ADAMTS2: variants seen among roughly 807,000 people sequenced by gnomAD.
ADAMTS2 encodes the protein A disintegrin and metalloproteinase with thrombospondin motifs 2.
Under a neutral mutation model 123.0 loss-of-function variants are expected in ADAMTS2, and 50 were observed. That is an observed-to-expected ratio of 0.41 (90% confidence interval 0.32 to 0.51). The LOEUF is 0.51. ADAMTS2 is among the 20% of genes least tolerant of loss of function. ADAMTS2 has a pLI of 0.35. For missense variants in ADAMTS2, 1,494 were observed against 1,705.2 expected, an observed-to-expected ratio of 0.88 and a Z score of 2.18; for synonymous variants, 678 against 695.4, an observed-to-expected ratio of 0.98 and a Z score of 0.39.
chr5:179,205,932 C>T (rs1011574040), intron 4 of ADAMTS2, among the ~76,000 whole-genome samples: 98 of 152,084 alleles, frequency 6.4e-4, no homozygotes, highest in Non-Finnish European at 1.1e-3. Flanking sequence ...CCACCACGCC[C>T]GGCTAATTTT....
At chr5:179,340,317 C>T (rs370076016) in intron 2 of ADAMTS2, among the ~76,000 whole-genome samples, 13 of 152,162 alleles carry the variant, frequency 8.5e-5, no homozygotes, top group African/African-American at 2.7e-4. Flanking sequence ...TTCCATCCCA[C>T]GGAAGTCCCA....
chr5:179,187,236 T>C (rs112559417), intron 4 of ADAMTS2, among the ~76,000 whole-genome samples: 2,318 of 152,276 alleles, frequency 0.015, 73 homozygotes, highest in African/African-American at 0.052. Flanking sequence ...AGTGACCTCC[T>C]TGCTTAAACC....
intron 3 of ADAMTS2, among the ~76,000 whole-genome samples, chr5:179,245,260 G>A (rs557767010): frequency 1.3e-5 from 2 of 151,956 alleles, no homozygotes; most frequent in Admixed American, 6.5e-5. Flanking sequence ...CCAGAAACTG[G>A]AAAGGGCAAG....
chr5:179,328,101 G>C (rs1295657321), intron 2 of ADAMTS2, among the ~76,000 whole-genome samples: 1 of 152,166 alleles, frequency 6.6e-6, no homozygotes, highest in Non-Finnish European at 1.5e-5. Context: ...CAAGCGATCT[G>C]AGCTCACTGC....
At chr5:179,301,946 A>C (rs1374015541) in intron 2 of ADAMTS2, among the ~76,000 whole-genome samples, 4 of 152,218 alleles carry the variant, frequency 2.6e-5, no homozygotes, top group Non-Finnish European at 5.9e-5. Flanking sequence ...GCTTGGGAAC[A>C]GTCAGCCTGC....
chr5:179,172,009 T>C (rs1366533072), intron 5 of ADAMTS2, among the ~76,000 whole-genome samples: 3 of 152,160 alleles, frequency 2.0e-5, no homozygotes, highest in African/African-American at 7.2e-5. Flanking sequence ...GGGGGTAAGC[T>C]GGTTCCATCT....
intron 5 of ADAMTS2, among the ~76,000 whole-genome samples, chr5:179,173,811 A>T (rs905811623): frequency 1.1e-4 from 16 of 152,180 alleles, no homozygotes; most frequent in Admixed American, 9.8e-4. Context: ...CAGGAGTTCA[A>T]GACCAGCCTG....
At chr5:179,275,347 G>T (rs12153439) in intron 2 of ADAMTS2, among the ~76,000 whole-genome samples, 57,183 of 151,782 alleles carry the variant, frequency 0.38, 12,428 homozygotes, top group Admixed American at 0.46. Context: ...GTAGGGTAGA[G>T]CCGGCTGAGA....
At position 179,130,826 on chromosome 5, in the gene ADAMTS2, T is replaced by C. The variant is rs1020142048; in HGVS notation, c.2291-728A>G. Among the ~76,000 whole-genome samples, 1 of 152,140 alleles carries C rather than the reference T, an allele frequency of 6.6e-6. No individual in the cohort carries two copies. Among genetic ancestry groups the C allele is most frequent in the Non-Finnish European group, 1.5e-5 (1 of 68,024 alleles). ...TCTGTCCACTCACAAACAAAGCCTC[T>C]GCTTGGTGCCACACGTCCCTGCCTT... On this transcript the variant is annotated intron_variant, in intron 15 of 21. Transcript: ENST00000251582. This position sits in a 1 kb window ranked among gnomAD's most constrained non-coding sequence, Gnocchi z 4.3.
At chr5:179,208,385 T>C (rs1764769818) in intron 3 of ADAMTS2, among the ~76,000 whole-genome samples, 1 of 151,984 alleles carries the variant, frequency 6.6e-6, no homozygotes, top group Non-Finnish European at 1.5e-5. Flanking sequence ...CCGGGCCCCC[T>C]CCCCAGGTGA....
intron 12 of ADAMTS2, 113 bp from the exon 13 acceptor site, chr5:179,136,155 C>A (rs573710687): frequency 6.7e-7 from 1 of 1,500,312 alleles, no homozygotes; most frequent in Non-Finnish European, 9.2e-7. Flanking sequence ...GTGGCCCACC[C>A]TCCAGGGCAG....
intron 2 of ADAMTS2, among the ~76,000 whole-genome samples, chr5:179,324,824 A>G (rs1338881329): frequency 6.6e-6 from 1 of 152,206 alleles, no homozygotes; most frequent in Non-Finnish European, 1.5e-5. Flanking sequence ...TGTGCTAACT[A>G]CCAGGACAGA....
In ADAMTS2 at chr5:179,308,116, C is replaced by G. The variant is rs1412666097; in HGVS notation, c.535-35052G>C. ...AAGGTCCCTGTGGTGCAGAGTGGGC[C>G]AAGTTTGCCGCCTTCTGGAGCGACA... is the stretch of plus-strand genomic sequence containing the variant. On this transcript the variant is annotated intron_variant, in intron 2 of 21. Coordinates refer to ENST00000251582, the MANE Select transcript of ADAMTS2 (RefSeq NM_014244.5). This position sits in a 1 kb window ranked among gnomAD's most constrained non-coding sequence, Gnocchi z 6.6. 6.6e-6 allele frequency among the ~76,000 whole-genome samples: 1 copy of G among 152,136 alleles called. No individual in the cohort carries two copies. The highest frequency in any genetic ancestry group is 1.5e-5 in the Non-Finnish European group (1 of 68,026).
At chr5:179,179,524 T>C (rs1334788933) in intron 5 of ADAMTS2, among the ~76,000 whole-genome samples, 3 of 152,240 alleles carry the variant, frequency 2.0e-5, no homozygotes, top group Non-Finnish European at 4.4e-5. Context: ...TTACTCATTG[T>C]GTCATTCAAA....
intron 4 of ADAMTS2, among the ~76,000 whole-genome samples, chr5:179,195,104 A>C (rs896063929): frequency 3.9e-5 from 6 of 152,134 alleles, no homozygotes; most frequent in African/African-American, 1.4e-4. Context: ...TCCCTGATGA[A>C]CCAAGGTGTA....
chr5:179,165,685 C>T (rs995338517), intron 5 of ADAMTS2, among the ~76,000 whole-genome samples: 5 of 152,184 alleles, frequency 3.3e-5, no homozygotes, highest in Admixed American at 2.0e-4. Context: ...CGGGGATGGA[C>T]ATTTCGAGGC....
chr5:179,205,061 C>T (rs894708897), intron 4 of ADAMTS2, among the ~76,000 whole-genome samples: 3 of 152,204 alleles, frequency 2.0e-5, no homozygotes, highest in Admixed American at 6.5e-5. Flanking sequence ...TTTCTAGAAA[C>T]GAACCTTCCC....
chr5:179,272,497 G>A lies in ADAMTS2; in HGVS notation c.688+414C>T, dbSNP rs1431971136. ...GGCAGCACAGAGCAGGAGAGGCGCT[G>A]TCTGGGGCTCTGGAGGCCTCTTCAC... On this transcript the variant is annotated intron_variant, in intron 3 of 21. Coordinates refer to ENST00000251582, the MANE Select transcript of ADAMTS2 (RefSeq NM_014244.5). This position sits in a 1 kb window ranked among gnomAD's most constrained non-coding sequence, Gnocchi z 5.8. 6.6e-6 allele frequency among the ~76,000 whole-genome samples: 1 copy of A among 152,198 alleles called. No individual in the cohort carries two copies. Among genetic ancestry groups the A allele is most frequent in the Non-Finnish European group, 1.5e-5 (1 of 68,026 alleles).
rs139658049 is a variant in ADAMTS2 at position 179,151,134 on chromosome 5, C to T, written c.1629+1008G>A. 1,841 of 380,492 alleles carry T rather than the reference C, an allele frequency of 4.8e-3. 22 individuals are homozygous for T. Among genetic ancestry groups the T allele is most frequent in the South Asian group, 0.021 (1,081 of 50,540 alleles). The allele number at this position is 380,492 out of a possible 1,614,324, so 23.6% of individuals were successfully genotyped here. A position where few individuals can be genotyped will look rare whatever the true frequency, so the allele number is the denominator to read the frequency against. Reference sequence around the variant, plus strand: ...CTTGTCTTGAACTTCTGACCTCAGGCGATCCACCTACCTTGGCCTCCCAAA... The same window carrying T: ...CTTGTCTTGAACTTCTGACCTCAGGTGATCCACCTACCTTGGCCTCCCAAA... On this transcript the variant is annotated intron_variant, in intron 10 of 21. Transcript: ENST00000251582.
Sources: gnomAD v4.1 joint callset for allele counts (sites outside exome capture counted in the v4.1 genomes callset) on GRCh38, gnomAD v4.1.1 for gene constraint, Gnocchi (gnomAD v3.1) non-coding constraint, MANE v1.5 for transcripts, NCBI Gene and HGNC (gene_info 2026-07-23, HGNC 2026-07-21) for gene names.